The following TMEM196 variants were observed in gnomAD, a reference collection of about 807,000 sequenced individuals.
The protein encoded by TMEM196 is transmembrane protein 196.
Under a neutral mutation model 20.0 loss-of-function variants are expected in TMEM196, and 17 were observed. The ratio of observed to expected loss-of-function variants is 0.85; its 90% CI spans 0.58 to 1.27. The LOEUF is 1.27. Ranked by LOEUF, TMEM196 falls within the 50% of genes most tolerant of loss-of-function variation. The pLI, the probability that TMEM196 is intolerant of heterozygous loss-of-function variation, is 0.00. For synonymous variants in TMEM196, 113 were observed against 88.9 expected (o/e 1.27, Z -1.52); for missense variants, 267 against 223.0 (o/e 1.20, Z -1.26).
intron 1 of TMEM196, among the ~76,000 whole-genome samples, chr7:19,771,086 G>A (rs1043525219): frequency 7.9e-5 from 12 of 151,918 alleles, no homozygotes; most frequent in Non-Finnish European, 1.3e-4. Flanking sequence ...GTTTTAAAGC[G>A]TTATTTCTGT....
chr7:19,723,758 C>T (rs1488337903), intron 4 of TMEM196, among the ~76,000 whole-genome samples: 1 of 152,118 alleles, frequency 6.6e-6, no homozygotes, highest in Non-Finnish European at 1.5e-5. Flanking sequence ...AGAACCATTA[C>T]TATTTATTTT....
At chr7:19,748,262 C>CAAAAAA (rs1784832442) in intron 1 of TMEM196, among the ~76,000 whole-genome samples, 1 of 27,530 alleles carries the variant, frequency 3.6e-5, no homozygotes, top group Non-Finnish European at 5.2e-5. Context: ...CTGTGGCTGT[C>CAAAAAA]CAAAAAAAAA....
At chr7:19,722,550 G>A (rs1178892350) in intron 4 of TMEM196, among the ~76,000 whole-genome samples, 1 of 152,086 alleles carries the variant, frequency 6.6e-6, no homozygotes, top group African/African-American at 2.4e-5. Context: ...AGGAAAATGT[G>A]TGGCCTTTTT....
intron 1 of TMEM196, among the ~76,000 whole-genome samples, chr7:19,752,440 C>T (rs1026211218): frequency 6.6e-6 from 1 of 152,072 alleles, no homozygotes; most frequent in African/African-American, 2.4e-5. Context: ...AGCTTTTATT[C>T]AAGGCCTCAC....
intron 1 of TMEM196, among the ~76,000 whole-genome samples, chr7:19,741,047 T>A (rs1413749583): frequency 2.6e-5 from 4 of 152,166 alleles, no homozygotes; most frequent in Non-Finnish European, 5.9e-5. Context: ...TGAAATAAAG[T>A]CTTCATTTTG....
intron 1 of TMEM196, among the ~76,000 whole-genome samples, chr7:19,730,133 A>G (rs986440964): frequency 3.3e-5 from 5 of 152,004 alleles, no homozygotes; most frequent in Admixed American, 1.3e-4. Flanking sequence ...GCAGGCGCCT[A>G]TGATCCCAGC....
intron 1 of TMEM196, among the ~76,000 whole-genome samples, chr7:19,737,253 C>G (rs748597039): frequency 6.6e-6 from 1 of 151,798 alleles, no homozygotes; most frequent in Non-Finnish European, 1.5e-5. Flanking sequence ...TAAATTTAAA[C>G]AACAGTGAAA....
At chr7:19,726,639 G>A (rs1365744752) in intron 2 of TMEM196, among the ~76,000 whole-genome samples, 1 of 151,466 alleles carries the variant, frequency 6.6e-6, no homozygotes, top group Non-Finnish European at 1.5e-5. Flanking sequence ...AGAGCTAGGG[G>A]GGTTTAATCA....
At chr7:19,735,899 G>A (rs939487858) in intron 1 of TMEM196, among the ~76,000 whole-genome samples, 5 of 152,098 alleles carry the variant, frequency 3.3e-5, no homozygotes, top group African/African-American at 1.2e-4. Flanking sequence ...ACAAGATAAT[G>A]AGCTGAACCA....
chr7:19,729,315 C>A, intron 2 of TMEM196, 67 bp downstream of exon 2: 3 of 1,343,600 alleles, frequency 2.2e-6, no homozygotes, highest in African/African-American at 1.5e-5. Flanking sequence ...GGCTAGCCAT[C>A]ATTTCTATTT....
At chr7:19,758,953 TA>T (rs1289535828) in intron 1 of TMEM196, among the ~76,000 whole-genome samples, 1 of 152,246 alleles carries the variant, frequency 6.6e-6, no homozygotes, top group African/African-American at 2.4e-5. Context: ...CCTTTAGCTC[TA>T]AATCCAATTA....
At chr7:19,768,960 A>G (rs1012053372) in intron 1 of TMEM196, among the ~76,000 whole-genome samples, 2 of 152,172 alleles carry the variant, frequency 1.3e-5, no homozygotes, top group Non-Finnish European at 2.9e-5. Flanking sequence ...AAAATGCAGC[A>G]GTTGCTTAAA....
intron 1 of TMEM196, among the ~76,000 whole-genome samples, chr7:19,754,860 C>G (rs986387387): frequency 6.6e-6 from 1 of 152,114 alleles, no homozygotes; most frequent in African/African-American, 2.4e-5. Context: ...CTATATAACC[C>G]TATTTTTTCC....
rs1485431897 is a variant in TMEM196, at chr7:19,720,863, G to A, written c.*1265C>T. ...CAGCAAAGGTAATTATAACTTCATT[G>A]TTGGGGGGTTACATCATCTGCCCTT... On this transcript the variant is annotated 3_prime_UTR_variant, in exon 5 of 5. Coordinates refer to ENST00000405844, the MANE Select transcript of TMEM196 (RefSeq NM_001363562.2). 1.3e-5 allele frequency: 2 copies of A among 151,862 alleles called. No individual in the cohort carries two copies. The highest frequency in any genetic ancestry group is 2.4e-5 in the African/African-American group (1 of 41,420). 9.4% of individuals were successfully genotyped at this position (151,862 alleles called of 1,614,324 possible).
intron 1 of TMEM196, among the ~76,000 whole-genome samples, chr7:19,739,430 A>G (rs1431115597): frequency 6.6e-6 from 1 of 152,278 alleles, no homozygotes; most frequent in African/African-American, 2.4e-5. Flanking sequence ...TATAATTGCT[A>G]TAGTCTGAAT....
chr7:19,753,323 C>T (rs537570731), intron 1 of TMEM196, among the ~76,000 whole-genome samples: 31 of 152,130 alleles, frequency 2.0e-4, no homozygotes, highest in Admixed American at 3.9e-4. Flanking sequence ...GCACCCTACT[C>T]CCACTCAGAA....
chr7:19,755,348 C>A (rs150410169), intron 1 of TMEM196, among the ~76,000 whole-genome samples: 1 of 152,142 alleles, frequency 6.6e-6, no homozygotes, highest in Non-Finnish European at 1.5e-5. Flanking sequence ...TAACATGAGA[C>A]GTGCACATAC....
At position 19,720,338 on chromosome 7, in the gene TMEM196, T is replaced by C. The variant is rs1256767670; in HGVS notation, c.*1790A>G. On this transcript the variant is annotated 3_prime_UTR_variant, in exon 5 of 5. Coordinates refer to ENST00000405844, the MANE Select transcript of TMEM196 (RefSeq NM_001363562.2). The stretch of plus-strand genomic sequence containing the variant: ...CTGATTTAAATAGGTTAAACGATGA[T>C]CATGTTGCTATAAAAGACCTTCAAA... 1 of 152,014 alleles carries C rather than the reference T, an allele frequency of 6.6e-6. No homozygotes were observed. The highest frequency in any genetic ancestry group is 1.5e-5 in the Non-Finnish European group (1 of 67,880). 9.4% of individuals were successfully genotyped at this position (152,014 alleles called of 1,614,324 possible). A position where few individuals can be genotyped will look rare whatever the true frequency, so the allele number is the denominator to read the frequency against.
rs775924044 is a variant in TMEM196 at position 19,725,665 on chromosome 7, A to G, written c.308T>C (p.Leu103Pro). ...VTKKTSSLYP[L>P]HLASMSLACI... ...CGCGAGAGACATGGAGGCAAGGTGCAGTGGGTATAGGGAGGAAGTTTTCTT... is the reference window on the plus strand; with the variant it reads ...CGCGAGAGACATGGAGGCAAGGTGCGGTGGGTATAGGGAGGAAGTTTTCTT... The change falls in exon 3 of 5, where the codon CTG (leucine) becomes CCG (proline). Residue 103 changes from leucine (L) to proline (P), a missense_variant. Physicochemically the swap from Leu to Pro is moderately conservative, Grantham distance 98 (BLOSUM62 -3). Coordinates refer to ENST00000405844, the MANE Select transcript of TMEM196 (RefSeq NM_001363562.2). The G allele has an allele frequency of 1.2e-6, 2 of 1,614,162 alleles. No individual in the cohort carries two copies. Among genetic ancestry groups the G allele is most frequent in the Non-Finnish European group, 1.7e-6 (2 of 1,179,996 alleles).
Sources: allele counts gnomAD v4.1 joint callset (sites outside exome capture counted in the v4.1 genomes callset), GRCh38; gene constraint gnomAD v4.1.1; transcripts MANE v1.5; gene names NCBI Gene and HGNC (gene_info 2026-07-23, HGNC 2026-07-21).